The following TRHDE variants were observed in gnomAD, a reference collection of about 807,000 sequenced individuals.
The protein encoded by TRHDE is thyrotropin releasing hormone degrading enzyme, also known as thyrotropin-releasing hormone-degrading ectoenzyme.
A neutral mutation model predicts 125.7 loss-of-function variants in TRHDE; 72 were observed. The observed-to-expected ratio is 0.57, with a 90% CI of 0.47 to 0.70. The LOEUF (loss-of-function observed/expected upper bound fraction) is 0.70, where lower values mean the gene tolerates loss of function less well. Among genes scored for constraint, TRHDE ranks in the 30% least tolerant of loss-of-function variants. TRHDE has a pLI of 0.00. For synonymous variants in TRHDE, 509 were observed against 509.1 expected (o/e 1.00, Z 0.00); for missense variants, 1,110 against 1,327.1 (o/e 0.84, Z 2.54).
intron 12 of TRHDE, among the ~76,000 whole-genome samples, chr12:72,612,528 C>T (rs980971100): frequency 6.6e-6 from 1 of 152,114 alleles, no homozygotes; most frequent in African/African-American, 2.4e-5. Context: ...TCTAGCCCTG[C>T]TACTCATTAG....
At chr12:72,584,954 CT>C (rs1464160271) in intron 12 of TRHDE, among the ~76,000 whole-genome samples, 3 of 152,106 alleles carry the variant, frequency 2.0e-5, no homozygotes, top group African/African-American at 7.2e-5. Context: ...AAAGTAGAGC[CT>C]TTGTGTTGGG....
At chr12:72,254,700 A>G (rs980654643) in intron 2 of TRHDE, 16 of 152,172 alleles carry the variant, frequency 1.1e-4, no homozygotes, top group African/African-American at 3.9e-4. Flanking sequence ...CCATCTTCCT[A>G]CTGGTTCCTA....
chr12:72,170,315 T>A (rs113628016), intron 2 of TRHDE, among the ~76,000 whole-genome samples: 1 of 152,166 alleles, frequency 6.6e-6, no homozygotes, highest in Non-Finnish European at 1.5e-5. Flanking sequence ...TTCAGAACAA[T>A]GCTCTTGACT....
chr12:72,528,546 C>T (rs963299090), intron 6 of TRHDE, among the ~76,000 whole-genome samples: 5 of 151,936 alleles, frequency 3.3e-5, no homozygotes, highest in South Asian at 2.1e-4. Context: ...GACGGAGTCT[C>T]GCTTTGTCCT....
At chr12:72,377,477 A>G (rs1565719065) in intron 2 of TRHDE, among the ~76,000 whole-genome samples, 1 of 152,094 alleles carries the variant, frequency 6.6e-6, no homozygotes, top group Non-Finnish European at 1.5e-5. Context: ...AAAGTTTTCT[A>G]TCCCTACTTT....
intron 3 of TRHDE, among the ~76,000 whole-genome samples, chr12:72,384,520 G>A (rs1322444765): frequency 6.6e-6 from 1 of 152,112 alleles, no homozygotes; most frequent in Non-Finnish European, 1.5e-5. Context: ...GGAATAAAAT[G>A]CACATAAAGA....
intron 3 of TRHDE, among the ~76,000 whole-genome samples, chr12:72,468,404 G>T (rs1254254696): frequency 6.6e-6 from 1 of 152,124 alleles, no homozygotes; most frequent in Non-Finnish European, 1.5e-5. Context: ...TTGCTTAAAA[G>T]CACTTAATTT....
At chr12:72,640,198 A>G (rs147508505) in intron 15 of TRHDE, among the ~76,000 whole-genome samples, 21 of 152,334 alleles carry the variant, frequency 1.4e-4, no homozygotes, top group Admixed American at 8.5e-4. Context: ...GCGGGACACA[A>G]TCTCCTGGTG....
intron 2 of TRHDE, among the ~76,000 whole-genome samples, chr12:72,318,925 G>T (rs1309440953): frequency 6.6e-6 from 1 of 152,102 alleles, no homozygotes; most frequent in African/African-American, 2.4e-5. Flanking sequence ...TCATTGGTAG[G>T]ATGATTCTGG....
At chr12:72,276,925 G>A (rs147415352) in intron 1 of TRHDE, among the ~76,000 whole-genome samples, 3 of 152,240 alleles carry the variant, frequency 2.0e-5, no homozygotes, top group East Asian at 1.9e-4. Flanking sequence ...TAAAATGTCC[G>A]TTTACCTGAA....
intron 2 of TRHDE, among the ~76,000 whole-genome samples, chr12:72,338,318 G>T (rs1361369379): frequency 6.6e-6 from 1 of 152,118 alleles, no homozygotes. Context: ...TCACGGTTAG[G>T]GTTGATCGTG....
chr12:72,210,198 C>CTATCTATCTATCTA (rs1565663341), intron 2 of TRHDE, among the ~76,000 whole-genome samples: 1 of 126,026 alleles, frequency 7.9e-6, no homozygotes, highest in African/African-American at 3.9e-5. Context: ...ATCTATCTAT[C>CTATCTATCTATCTA]TATCTATCTA....
intron 2 of TRHDE, among the ~76,000 whole-genome samples, chr12:72,120,119 T>G (rs557940277): frequency 7.2e-4 from 109 of 152,028 alleles, no homozygotes; most frequent in African/African-American, 2.4e-3. Flanking sequence ...GTGGTGATCT[T>G]GGCTCACTGC....
At chr12:72,383,310 C>A (rs919755090) in intron 3 of TRHDE, among the ~76,000 whole-genome samples, 5 of 151,148 alleles carry the variant, frequency 3.3e-5, no homozygotes, top group African/African-American at 9.7e-5. Flanking sequence ...ACAATGACAA[C>A]TATTTGTGTT....
intron 2 of TRHDE, among the ~76,000 whole-genome samples, chr12:72,208,014 C>G (rs1877703274): frequency 2.0e-5 from 3 of 152,136 alleles, no homozygotes; most frequent in Admixed American, 2.0e-4. Flanking sequence ...GCATCTCAGA[C>G]CATTCTGCTG....
chr12:72,569,578 A>G (rs1378700497), intron 10 of TRHDE, among the ~76,000 whole-genome samples: 1 of 152,204 alleles, frequency 6.6e-6, no homozygotes, highest in Non-Finnish European at 1.5e-5. Flanking sequence ...CAAAATACAT[A>G]TATGTATACA....
chr12:72,368,125 A>C (rs1871416087), intron 2 of TRHDE, among the ~76,000 whole-genome samples: 1 of 152,190 alleles, frequency 6.6e-6, no homozygotes, highest in African/African-American at 2.4e-5. Flanking sequence ...ACAGTCTAGA[A>C]GAAAGGCTTT....
At chr12:72,452,610 T>G (rs1875634555) in intron 3 of TRHDE, among the ~76,000 whole-genome samples, 1 of 152,128 alleles carries the variant, frequency 6.6e-6, no homozygotes, top group Non-Finnish European at 1.5e-5. Flanking sequence ...GGATGTGAGT[T>G]CCTGCCCAAA....
intron 7 of TRHDE, among the ~76,000 whole-genome samples, chr12:72,550,935 C>A (rs1478418271): frequency 6.6e-6 from 1 of 151,850 alleles, no homozygotes; most frequent in Non-Finnish European, 1.5e-5. Flanking sequence ...TACATTATAT[C>A]ATAAATGAGA....
Sources: gnomAD v4.1 joint callset for allele counts (sites outside exome capture counted in the v4.1 genomes callset) on GRCh38, gnomAD v4.1.1 for gene constraint, MANE v1.5 for transcripts, NCBI Gene and HGNC (gene_info 2026-07-23, HGNC 2026-07-21) for gene names.